The following DAB1 variants were observed in gnomAD, a reference collection of about 807,000 sequenced individuals.
The protein encoded by DAB1 is disabled homolog 1.
DAB1 carries 15 observed loss-of-function variants against 64.6 expected under a neutral mutation model. The ratio of observed to expected loss-of-function variants is 0.23; its 90% CI spans 0.16 to 0.36. The LOEUF is 0.36. Among genes scored for constraint, DAB1 ranks in the 10% least tolerant of loss-of-function variants. DAB1 has a pLI of 1.00. For synonymous variants in DAB1, 235 were observed against 251.9 expected, an observed-to-expected ratio of 0.93 and a Z score of 0.64; for missense variants, 596 against 706.7, an observed-to-expected ratio of 0.84 and a Z score of 1.78.
chr1:58,528,849 T>C (rs1291479442), intron 1 of DAB1, among the ~76,000 whole-genome samples: 5 of 152,212 alleles, frequency 3.3e-5, no homozygotes, highest in Non-Finnish European at 7.4e-5. Context: ...TGAGGGGCCT[T>C]GATTTAGGAA....
chr1:58,150,967 T>C (rs1343947635), intron 4 of DAB1, among the ~76,000 whole-genome samples: 1 of 152,154 alleles, frequency 6.6e-6, no homozygotes, highest in East Asian at 1.9e-4. Flanking sequence ...CTTGCGATAG[T>C]TTGCTGAGAA....
chr1:57,372,747 T>C (rs979728532), intron 1 of DAB1, among the ~76,000 whole-genome samples: 2 of 152,180 alleles, frequency 1.3e-5, no homozygotes, highest in African/African-American at 4.8e-5. Flanking sequence ...GATTATCTTA[T>C]AATAGTATGA....
chr1:58,252,021 C>T (rs2100406635), intron 4 of DAB1, among the ~76,000 whole-genome samples: 1 of 152,316 alleles, frequency 6.6e-6, no homozygotes, highest in South Asian at 2.1e-4. Context: ...TTTCTCCTAC[C>T]ACTCTCTGAG....
At chr1:58,018,974 T>C (rs1236511908) in intron 5 of DAB1, among the ~76,000 whole-genome samples, 1 of 152,218 alleles carries the variant, frequency 6.6e-6, no homozygotes, top group Non-Finnish European at 1.5e-5. Context: ...ATAGAAAGGA[T>C]ACACCATGAG....
At chr1:57,509,351 C>G (rs191845490) in intron 7 of DAB1, among the ~76,000 whole-genome samples, 76 of 152,262 alleles carry the variant, frequency 5.0e-4, no homozygotes, top group Non-Finnish European at 1.9e-4. Context: ...TGTCAAAGAA[C>G]CATGCTTGGA....
intron 3 of DAB1, among the ~76,000 whole-genome samples, chr1:58,472,793 T>C (rs1279197383): frequency 6.6e-6 from 1 of 152,206 alleles, no homozygotes; most frequent in East Asian, 1.9e-4. Context: ...AAAGAATCTC[T>C]TAAATAAATG....
At chr1:57,261,163 C>T (rs1365546646) in intron 2 of DAB1, among the ~76,000 whole-genome samples, 1 of 152,082 alleles carries the variant, frequency 6.6e-6, no homozygotes, top group Admixed American at 6.5e-5. Flanking sequence ...CCCTCTGGAG[C>T]CTGCAGCCAC....
intron 2 of DAB1, among the ~76,000 whole-genome samples, chr1:57,238,811 A>G (rs1176704901): frequency 6.6e-6 from 1 of 151,648 alleles, no homozygotes; most frequent in East Asian, 1.9e-4. Flanking sequence ...TAATACACAC[A>G]TACACACACT....
At chr1:57,243,943 C>A (rs1186887840) in intron 2 of DAB1, among the ~76,000 whole-genome samples, 1 of 152,206 alleles carries the variant, frequency 6.6e-6, no homozygotes. Flanking sequence ...GGACCTTCCA[C>A]TAGATCATTC....
chr1:57,242,117 G>A (rs1051643343), intron 2 of DAB1, among the ~76,000 whole-genome samples: 1 of 152,176 alleles, frequency 6.6e-6, no homozygotes, highest in Admixed American at 6.5e-5. Context: ...GGGATCACAA[G>A]TAAATGGTTA....
chr1:57,974,845 G>C (rs149507693), intron 5 of DAB1, among the ~76,000 whole-genome samples: 2 of 151,846 alleles, frequency 1.3e-5, no homozygotes, highest in Non-Finnish European at 2.9e-5. Flanking sequence ...TAGATATATA[G>C]TAATCCATAT....
intron 7 of DAB1, chr1:57,605,890 G>A (rs1645629900): frequency 1.5e-6 from 1 of 661,664 alleles, no homozygotes; most frequent in Non-Finnish European, 2.8e-6. Flanking sequence ...TCCTAGCTCA[G>A]TACTGATGGA....
chr1:57,846,669 T>C (rs1000482345), intron 1 of DAB1, among the ~76,000 whole-genome samples: 7 of 152,164 alleles, frequency 4.6e-5, no homozygotes, highest in Non-Finnish European at 8.8e-5. Flanking sequence ...TTTGATTTCA[T>C]GTCAGTTTTT....
intron 2 of DAB1, among the ~76,000 whole-genome samples, chr1:57,208,014 A>C (rs1265948775): frequency 6.6e-6 from 1 of 152,202 alleles, no homozygotes; most frequent in East Asian, 1.9e-4. Flanking sequence ...GAGCTGCCCT[A>C]AAGCAGGCCC....
At chr1:58,186,157 G>T (rs1417322009) in intron 4 of DAB1, among the ~76,000 whole-genome samples, 2 of 152,180 alleles carry the variant, frequency 1.3e-5, no homozygotes, top group East Asian at 3.9e-4. Context: ...TAAGACTTCT[G>T]GTTCTTCTAG....
chr1:58,474,279 AC>A lies in DAB1; in HGVS notation n.257+31780del, dbSNP rs549353998. On this transcript the variant is annotated intron_variant and non_coding_transcript_variant, in intron 3 of 20. Transcript: ENST00000485760. ...GAGGCTTAGTTACTTGCTGGATCTC[AC>A]AGCTGGTAAGGAAGGCAGGATGTGA... is the stretch of plus-strand genomic sequence containing the variant. 1.6e-4 allele frequency among the ~76,000 whole-genome samples: 24 copies of A among 152,284 alleles called. 1 individual carries two copies. In the East Asian group the frequency reaches 2.3e-3, roughly 15 times the overall value.
intron 1 of DAB1, among the ~76,000 whole-genome samples, chr1:57,404,514 C>A (rs926132283): frequency 1.3e-5 from 2 of 152,078 alleles, no homozygotes; most frequent in African/African-American, 2.4e-5. Context: ...CAAACCCTAG[C>A]CTCTTTCTCT....
chr1:57,955,623 C>A (rs1645374623), intron 5 of DAB1, among the ~76,000 whole-genome samples: 1 of 152,000 alleles, frequency 6.6e-6, no homozygotes, highest in Non-Finnish European at 1.5e-5. Flanking sequence ...ACAAATAAGA[C>A]AAAAGACTGA....
intron 2 of DAB1, among the ~76,000 whole-genome samples, chr1:57,288,475 T>C (rs558174060): frequency 2.6e-5 from 4 of 152,282 alleles, no homozygotes; most frequent in African/African-American, 7.2e-5. Context: ...TGTGGGGCTC[T>C]TGTGATGGGA....
Sources: allele counts gnomAD v4.1 joint callset (sites outside exome capture counted in the v4.1 genomes callset), GRCh38; gene constraint gnomAD v4.1.1; transcripts MANE v1.5; gene names NCBI Gene and HGNC (gene_info 2026-07-23, HGNC 2026-07-21).